The following GPC3 variants were observed in gnomAD, a reference collection of about 807,000 sequenced individuals.
GPC3 encodes the protein glypican 3, also known as glypican-3.
In GPC3, 3 loss-of-function variants were observed where a neutral mutation model predicts 34.4. The ratio of observed to expected loss-of-function variants is 0.09; its 90% CI spans 0.04 to 0.23. The LOEUF (loss-of-function observed/expected upper bound fraction) is 0.23. GPC3 is among the 10% of genes least tolerant of loss of function. The pLI is 1.00. For synonymous variants in GPC3, 177 were observed against 174.0 expected (o/e 1.02, Z -0.13); for missense variants, 351 against 445.6 (o/e 0.79, Z 1.91).
intron 2 of GPC3, among the ~76,000 whole-genome samples, chrX:133,864,250 G>A (rs2075956173): frequency 9.0e-6 from 1 of 111,189 alleles, no homozygotes; most frequent in African/African-American, 3.3e-5. Context: ...GACAGATGAA[G>A]GGAAGGTTAA....
At chrX:133,647,815 C>T (rs989215336) in intron 6 of GPC3, among the ~76,000 whole-genome samples, 2 of 111,696 alleles carry the variant, frequency 1.8e-5, no homozygotes, top group Non-Finnish European at 3.8e-5. Flanking sequence ...ACTCAACATT[C>T]AACAGCCAAG....
intron 2 of GPC3, among the ~76,000 whole-genome samples, chrX:133,933,485 T>C (rs2076307527): frequency 9.0e-6 from 1 of 111,073 alleles, no homozygotes; most frequent in Admixed American, 9.6e-5. Flanking sequence ...GACTTCCCTA[T>C]GGGCTGAGCT....
At chrX:133,903,161 A>C (rs1217195507) in intron 2 of GPC3, among the ~76,000 whole-genome samples, 1 of 110,985 alleles carries the variant, frequency 9.0e-6, no homozygotes, top group African/African-American at 3.3e-5. Context: ...AAAAAAAAAA[A>C]AAATCACCCA....
chrX:133,636,354 G>A (rs911605005), intron 6 of GPC3, among the ~76,000 whole-genome samples: 4 of 112,113 alleles, frequency 3.6e-5, no homozygotes, highest in Admixed American at 1.9e-4. Flanking sequence ...AAGGAGATCA[G>A]GGCAAACTCT....
chrX:133,968,532 C>A (rs149969726), intron 1 of GPC3, among the ~76,000 whole-genome samples: 9 of 111,574 alleles, frequency 8.1e-5, no homozygotes, highest in Non-Finnish European at 1.5e-4. Context: ...ATGGGGGAAA[C>A]AATGCTATCC....
intron 7 of GPC3, among the ~76,000 whole-genome samples, chrX:133,566,170 A>T (rs1008326907): frequency 8.9e-6 from 1 of 112,275 alleles, no homozygotes; most frequent in South Asian, 3.7e-4. Context: ...AGAACTTGTC[A>T]GGTTCCAACA....
chrX:133,906,571 T>C (rs2076168494), intron 2 of GPC3, among the ~76,000 whole-genome samples: 1 of 111,785 alleles, frequency 8.9e-6, no homozygotes, highest in African/African-American at 3.3e-5. Context: ...ACAGATTTGA[T>C]GTAATAAGGT....
chrX:133,816,297 C>T (rs1262250469), intron 2 of GPC3, among the ~76,000 whole-genome samples: 1 of 111,781 alleles, frequency 8.9e-6, no homozygotes, highest in Non-Finnish European at 1.9e-5. Flanking sequence ...TCAAGGGATC[C>T]TCCTGCCTTG....
chrX:133,912,416 T>C (rs143206340), intron 2 of GPC3, among the ~76,000 whole-genome samples: 1 of 112,243 alleles, frequency 8.9e-6, no homozygotes, highest in African/African-American at 3.2e-5. Flanking sequence ...GCTCTCATAA[T>C]GGTTGAGGAT....
intron 2 of GPC3, among the ~76,000 whole-genome samples, chrX:133,779,944 G>T (rs1251955548): frequency 1.8e-5 from 2 of 111,568 alleles, no homozygotes; most frequent in African/African-American, 3.3e-5. Flanking sequence ...CACCAAGGTG[G>T]AGTAATGTGG....
intron 7 of GPC3, among the ~76,000 whole-genome samples, chrX:133,558,236 T>C (rs1237030261): frequency 9.0e-6 from 1 of 110,603 alleles, no homozygotes; most frequent in African/African-American, 3.3e-5. Context: ...CAAATCTTTC[T>C]TTTTTTCCTC....
intron 2 of GPC3, among the ~76,000 whole-genome samples, chrX:133,948,392 A>G (rs990199025): frequency 9.1e-6 from 1 of 110,484 alleles, no homozygotes; most frequent in Non-Finnish European, 1.9e-5. Context: ...AAAACAGAAA[A>G]TAAGGGAGAG....
At chrX:133,609,292 C>T (rs1029080637) in intron 6 of GPC3, among the ~76,000 whole-genome samples, 1 of 112,336 alleles carries the variant, frequency 8.9e-6, no homozygotes. Flanking sequence ...GACTCTTATG[C>T]GGGCCATTGG....
chrX:133,870,057 CTG>C (rs1409349507), intron 2 of GPC3, among the ~76,000 whole-genome samples: 1 of 112,351 alleles, frequency 8.9e-6, no homozygotes, highest in African/African-American at 3.2e-5. Flanking sequence ...GAATTCAACT[CTG>C]ATTTTTTAGT....
chrX:133,585,496 T>C (rs2069779694), intron 7 of GPC3, among the ~76,000 whole-genome samples: 1 of 111,608 alleles, frequency 9.0e-6, no homozygotes, highest in Non-Finnish European at 1.9e-5. Context: ...TTGTTTATCA[T>C]GGAAACTTTG....
At chrX:133,569,052 A>G (rs1292959095) in intron 7 of GPC3, among the ~76,000 whole-genome samples, 3 of 111,078 alleles carry the variant, frequency 2.7e-5, no homozygotes, top group African/African-American at 9.8e-5. Flanking sequence ...CTGTAGTCCC[A>G]GCTACTTGGT....
At chrX:133,751,074 AAAATAAAT>A (rs60283835) in intron 3 of GPC3, among the ~76,000 whole-genome samples, 1,385 of 88,586 alleles carry the variant, frequency 0.016, 33 homozygotes, top group African/African-American at 0.047. Flanking sequence ...CTCTGTCTCA[AAAATAAAT>A]AAATAAATAA....
intron 2 of GPC3, among the ~76,000 whole-genome samples, chrX:133,799,816 T>G (rs1307133666): frequency 9.0e-6 from 1 of 111,588 alleles, no homozygotes; most frequent in Non-Finnish European, 1.9e-5. Flanking sequence ...GGGCTTCAGA[T>G]AGCTATAACC....
intron 5 of GPC3, among the ~76,000 whole-genome samples, chrX:133,689,877 T>C (rs778566934): frequency 1.8e-5 from 2 of 112,464 alleles, no homozygotes; most frequent in South Asian, 3.7e-4. Flanking sequence ...GAATGGTTTG[T>C]CATCAAGTTT....
Sources: allele counts gnomAD v4.1 joint callset (sites outside exome capture counted in the v4.1 genomes callset), GRCh38; gene constraint gnomAD v4.1.1; transcripts MANE v1.5; gene names NCBI Gene and HGNC (gene_info 2026-07-23, HGNC 2026-07-21).